Variants in SLC39A11 observed in about 807,000 individuals in gnomAD.
SLC39A11 encodes solute carrier family 39 member 11.
SLC39A11 carries 33 observed loss-of-function variants against 36.1 expected under a neutral mutation model. The ratio of observed to expected loss-of-function variants is 0.91; its 90% CI spans 0.69 to 1.22. The LOEUF is 1.22. SLC39A11 is among the 50% of genes most tolerant of loss of function. The pLI, the probability that SLC39A11 is intolerant of heterozygous loss-of-function variation, is 0.00. For synonymous variants in SLC39A11, 166 were observed against 170.3 expected, an observed-to-expected ratio of 0.97 and a Z score of 0.20; for missense variants, 432 against 430.3, an observed-to-expected ratio of 1.00 and a Z score of -0.03.
chr17:72,754,359 G>A (rs1035961035), intron 6 of SLC39A11, among the ~76,000 whole-genome samples: 1 of 152,086 alleles, frequency 6.6e-6, no homozygotes, highest in African/African-American at 2.4e-5. Context: ...TGCTCGGGTA[G>A]TGGGTGCCCA....
chr17:73,010,563 G>T (rs1372388604), intron 4 of SLC39A11, among the ~76,000 whole-genome samples: 1 of 152,144 alleles, frequency 6.6e-6, no homozygotes, highest in Non-Finnish European at 1.5e-5. Flanking sequence ...CCAGAGGGAG[G>T]TCTAGATGTT....
At chr17:72,792,132 C>G (rs932623875) in intron 6 of SLC39A11, among the ~76,000 whole-genome samples, 1 of 152,178 alleles carries the variant, frequency 6.6e-6, no homozygotes, top group Non-Finnish European at 1.5e-5. Flanking sequence ...TAGTGTGAGA[C>G]AGCTGAACAT....
intron 5 of SLC39A11, among the ~76,000 whole-genome samples, chr17:72,911,350 G>A (rs572954500): frequency 2.0e-4 from 31 of 151,682 alleles, no homozygotes; most frequent in Non-Finnish European, 3.1e-4. Flanking sequence ...ACACCAACAC[G>A]GCACATGTAT....
rs544806660 is a variant in SLC39A11 at position 72,750,799 on chromosome 17, A to AG, written c.602-14081_602-14080insC. Among the ~76,000 whole-genome samples the AG allele has an allele frequency of 1.1e-4, 16 of 150,258 alleles. No homozygotes were observed. The East Asian group carries it at 2.9e-3, about 27-fold the overall frequency. ...AATTGTTAATGGAGGAAAAAAAAAA[A>AG]CTGCCTTCCTTACACATCCCAGTTC... is the stretch of plus-strand genomic sequence containing the variant. On this transcript the variant is annotated intron_variant, in intron 6 of 9. Transcript: ENST00000255559.
At chr17:72,920,879 T>C (rs1262505088) in intron 5 of SLC39A11, among the ~76,000 whole-genome samples, 1 of 151,272 alleles carries the variant, frequency 6.6e-6, no homozygotes, top group African/African-American at 2.4e-5. Context: ...CTACACCCCA[T>C]ACACACATGC....
At chr17:72,984,943 G>A (rs952781328) in intron 4 of SLC39A11, among the ~76,000 whole-genome samples, 1 of 152,182 alleles carries the variant, frequency 6.6e-6, no homozygotes, top group Non-Finnish European at 1.5e-5. Context: ...GCACACAGCA[G>A]CAATAACCCT....
intron 3 of SLC39A11, among the ~76,000 whole-genome samples, chr17:73,038,240 AC>A (rs749862675): frequency 6.6e-6 from 1 of 151,974 alleles, no homozygotes; most frequent in Non-Finnish European, 1.5e-5. Context: ...AAACAAACAA[AC>A]CAACAAAAAC....
intron 6 of SLC39A11, among the ~76,000 whole-genome samples, chr17:72,755,260 C>G (rs1274478725): frequency 6.6e-6 from 1 of 152,216 alleles, no homozygotes; most frequent in Admixed American, 6.5e-5. Flanking sequence ...AAGTAAAGTG[C>G]TAGTGAAGAC....
chr17:72,999,421 T>C (rs906171880), intron 4 of SLC39A11, among the ~76,000 whole-genome samples: 13 of 152,226 alleles, frequency 8.5e-5, no homozygotes, highest in Non-Finnish European at 1.8e-4. Context: ...AGGAATCTCA[T>C]AGGGCTTAGC....
intron 6 of SLC39A11, among the ~76,000 whole-genome samples, chr17:72,748,115 A>C (rs2075015053): frequency 6.6e-6 from 1 of 152,158 alleles, no homozygotes; most frequent in African/African-American, 2.4e-5. Flanking sequence ...TGAGGTCAGG[A>C]GTTCAAGACT....
At chr17:72,922,974 A>AC (rs1032217144) in intron 5 of SLC39A11, among the ~76,000 whole-genome samples, 7 of 148,476 alleles carry the variant, frequency 4.7e-5, no homozygotes, top group African/African-American at 1.7e-4. Context: ...AAAAAAAAAA[A>AC]AAAAAAAAAA....
intron 4 of SLC39A11, among the ~76,000 whole-genome samples, chr17:72,963,699 C>T (rs2086785317): frequency 6.6e-6 from 1 of 152,102 alleles, no homozygotes; most frequent in Admixed American, 6.5e-5. Flanking sequence ...AGGAGGAATC[C>T]CATTTCTTCT....
At chr17:72,871,404 C>T (rs561706885) in intron 5 of SLC39A11, among the ~76,000 whole-genome samples, 18 of 152,062 alleles carry the variant, frequency 1.2e-4, no homozygotes, top group Non-Finnish European at 2.1e-4. Context: ...TACATGTGTG[C>T]GGTGCCTTTT....
At chr17:72,899,182 G>A (rs977830162) in intron 5 of SLC39A11, among the ~76,000 whole-genome samples, 2 of 152,010 alleles carry the variant, frequency 1.3e-5, no homozygotes, top group Non-Finnish European at 2.9e-5. Flanking sequence ...CTCCAGGCTC[G>A]GTAAAAGGGC....
At chr17:72,876,577 G>A (rs560681467) in intron 5 of SLC39A11, among the ~76,000 whole-genome samples, 10 of 152,200 alleles carry the variant, frequency 6.6e-5, no homozygotes, top group African/African-American at 2.4e-4. Flanking sequence ...ACCACCTAGT[G>A]CCTAGATAGT....
chr17:72,762,317 C>A (rs2075614746), intron 6 of SLC39A11, among the ~76,000 whole-genome samples: 1 of 152,230 alleles, frequency 6.6e-6, no homozygotes, highest in Non-Finnish European at 1.5e-5. Flanking sequence ...CTTTGGTCGT[C>A]CTCACTGCTT....
At chr17:72,789,656 T>C (rs2714013) in intron 6 of SLC39A11, among the ~76,000 whole-genome samples, 2,761 of 152,270 alleles carry the variant, frequency 0.018, 58 homozygotes, top group African/African-American at 0.046. Context: ...ACAACCTGAT[T>C]AAAGGCCACA....
At chr17:72,924,267 C>T (rs1186067547) in intron 5 of SLC39A11, among the ~76,000 whole-genome samples, 2 of 150,980 alleles carry the variant, frequency 1.3e-5, no homozygotes, top group African/African-American at 2.4e-5. Flanking sequence ...ACCCCCACCT[C>T]GCCCTACCCT....
intron 5 of SLC39A11, among the ~76,000 whole-genome samples, chr17:72,864,765 T>C (rs2080217977): frequency 6.6e-6 from 1 of 152,212 alleles, no homozygotes; most frequent in South Asian, 2.1e-4. Context: ...CCTGTCAGTC[T>C]GGGTGATTGT....
Sources: gnomAD v4.1 joint callset for allele counts (sites outside exome capture counted in the v4.1 genomes callset) on GRCh38, gnomAD v4.1.1 for gene constraint, MANE v1.5 for transcripts, NCBI Gene and HGNC (gene_info 2026-07-23, HGNC 2026-07-21) for gene names.